TBC1D8: variants seen among roughly 807,000 people sequenced by gnomAD.
The protein encoded by TBC1D8 is TBC1 domain family member 8, also known as BUB2-like protein 1.
A neutral mutation model predicts 118.8 loss-of-function variants in TBC1D8; 65 were observed. The ratio of observed to expected loss-of-function variants is 0.55; its 90% confidence interval spans 0.45 to 0.67. The LOEUF is 0.67. TBC1D8 is among the 30% of genes least tolerant of loss of function. The probability of loss-of-function intolerance (pLI) is 0.00; values close to 1 mark genes in which losing one functional copy is unlikely to be tolerated. For missense variants in TBC1D8, 1,376 were observed against 1,471.2 expected (o/e 0.94, Z 1.06); for synonymous variants, 566 against 595.8 (o/e 0.95, Z 0.73).
At position 101,032,112 on chromosome 2, in the gene TBC1D8, G is replaced by C. The variant is rs144444614; in HGVS notation, c.1936+156C>G. Reference sequence around the variant, plus strand: ...GTCAGAACTGTGCAGAGAATGTCCCGAGTTAGTTTTGCAAATTCAGGAGTC... The same window carrying C: ...GTCAGAACTGTGCAGAGAATGTCCCCAGTTAGTTTTGCAAATTCAGGAGTC... On this transcript the variant is annotated intron_variant, in intron 11 of 19. Transcript: ENST00000409318. Among the ~76,000 whole-genome samples, 550 of 152,284 alleles carry C rather than the reference G, an allele frequency of 3.6e-3. 2 individuals carry two copies. The highest frequency in any genetic ancestry group is 5.2e-3 in the Non-Finnish European group (357 of 68,026).
intron 1 of TBC1D8, among the ~76,000 whole-genome samples, chr2:101,118,660 G>T (rs1297300475): frequency 1.4e-5 from 2 of 139,960 alleles, no homozygotes; most frequent in Non-Finnish European, 3.0e-5. Flanking sequence ...TGGCGCCACT[G>T]CACTCCAGTC....
chr2:101,078,753 CAAAAAAAAAAA>C, intron 2 of TBC1D8, among the ~76,000 whole-genome samples: 46,289 of 109,216 alleles, frequency 0.42, 8,326 homozygotes, highest in South Asian at 0.48. Context: ...CCTTTCTTAG[CAAAAAAAAAAA>C]AAAAAAAAAA....
At chr2:101,117,568 C>CTTT (rs201852112) in intron 1 of TBC1D8, among the ~76,000 whole-genome samples, 39 of 119,692 alleles carry the variant, frequency 3.3e-4, no homozygotes, top group Admixed American at 4.2e-4. Flanking sequence ...GGAGGCAGAA[C>CTTT]TTTTTTTTTT....
At chr2:101,125,126 G>A (rs1182041469) in intron 1 of TBC1D8, among the ~76,000 whole-genome samples, 4 of 152,042 alleles carry the variant, frequency 2.6e-5, no homozygotes, top group East Asian at 1.9e-4. Flanking sequence ...AGCAGCCTCC[G>A]GCCACTCCTC....
At chr2:101,095,551 T>C (rs551321966) in intron 1 of TBC1D8, among the ~76,000 whole-genome samples, 1 of 151,904 alleles carries the variant, frequency 6.6e-6, no homozygotes, top group Non-Finnish European at 1.5e-5. Flanking sequence ...TGGTTTCCAG[T>C]TTCATCCATG....
intron 2 of TBC1D8, among the ~76,000 whole-genome samples, chr2:101,083,978 C>T (rs1169441910): frequency 3.3e-5 from 5 of 152,174 alleles, no homozygotes; most frequent in Non-Finnish European, 2.9e-5. Context: ...CTTCCTTAAC[C>T]CAAGAAAAGT....
chr2:101,115,013 C>A (rs189480732), intron 1 of TBC1D8, among the ~76,000 whole-genome samples: 39 of 152,306 alleles, frequency 2.6e-4, no homozygotes, highest in Non-Finnish European at 4.3e-4. Context: ...TTTCACAGAA[C>A]CTGTCGCTTT....
chr2:101,146,414 A>C (rs913037877), intron 1 of TBC1D8, among the ~76,000 whole-genome samples: 1 of 152,268 alleles, frequency 6.6e-6, no homozygotes, highest in Non-Finnish European at 1.5e-5. Flanking sequence ...GTTGCAAAGC[A>C]GAAAACATCA....
At chr2:101,046,267 C>T (rs915199548) in intron 5 of TBC1D8, among the ~76,000 whole-genome samples, 6 of 152,224 alleles carry the variant, frequency 3.9e-5, no homozygotes, top group Non-Finnish European at 8.8e-5. Context: ...GGCGCCAGCA[C>T]AGGCGGTCGG....
intron 1 of TBC1D8, among the ~76,000 whole-genome samples, chr2:101,127,730 C>A (rs2104248763): frequency 6.6e-6 from 1 of 152,282 alleles, no homozygotes; most frequent in African/African-American, 2.4e-5. Context: ...CATGAGAAAT[C>A]AGAGAGATGA....
intron 11 of TBC1D8, among the ~76,000 whole-genome samples, chr2:101,031,144 G>T (rs1039325170): frequency 2.0e-5 from 3 of 152,218 alleles, no homozygotes; most frequent in African/African-American, 7.2e-5. Context: ...CAGTGGCTTT[G>T]ACAGCATGTC....
intron 1 of TBC1D8, among the ~76,000 whole-genome samples, chr2:101,146,960 G>A (rs958365034): frequency 6.6e-6 from 1 of 152,148 alleles, no homozygotes; most frequent in Non-Finnish European, 1.5e-5. Flanking sequence ...TGCAGTATTT[G>A]TCTTTCTGTG....
At chr2:101,019,269 A>G (rs1679879787) in intron 17 of TBC1D8, 1 of 426,386 alleles carries the variant, frequency 2.3e-6, no homozygotes, top group East Asian at 3.3e-5. Context: ...AGAATTCTTT[A>G]GGCACACAAA....
In TBC1D8 at chr2:101,054,672, CTT is replaced by C. The variant is rs34465252; in HGVS notation, c.403-338_403-337del. On this transcript the variant is annotated intron_variant, in intron 3 of 19. Coordinates refer to ENST00000409318, the MANE Select transcript of TBC1D8 (RefSeq NM_001330348.2). Reference sequence around the variant, plus strand: ...ACAAACAATCATTTTCTTTTCTTTTCTTTTTTTTTTTTTTTTTTTTTTTTTTG... The same window carrying C: ...ACAAACAATCATTTTCTTTTCTTTTCTTTTTTTTTTTTTTTTTTTTTTTTG... 3.9e-4 allele frequency among the ~76,000 whole-genome samples: 10 copies of C among 25,440 alleles called. No homozygotes were observed. The East Asian group carries it at 6.1e-3, about 16-fold the overall frequency. 16.7% of individuals were successfully genotyped at this position (25,440 alleles called of 152,430 possible).
At chr2:101,038,380 C>T (rs1681161606) in intron 7 of TBC1D8, 81 bp downstream of exon 7, 1 of 1,445,102 alleles carries the variant, frequency 6.9e-7, no homozygotes. Context: ...CCCCACATGG[C>T]TCTCCCCATG....
At position 101,011,676 on chromosome 2, in the gene TBC1D8, G is replaced by A. The variant is rs945801399; in HGVS notation, c.2828-136C>T. ...GGACTGTAGTTTTTGCAGGGTCCAC[G>A]AACCCAAATGCACACCAAGCACTGT... On this transcript the variant is annotated intron_variant, in intron 17 of 19. Transcript: ENST00000409318. 72 of 759,460 alleles carry A rather than the reference G, an allele frequency of 9.5e-5. No homozygotes were observed. The East Asian group carries it at 1.7e-3, about 18-fold the overall frequency. 47.0% of individuals were successfully genotyped at this position (759,460 alleles called of 1,614,324 possible).
intron 10 of TBC1D8, chr2:101,032,796 T>C (rs555396022): frequency 6.0e-6 from 1 of 166,592 alleles, no homozygotes; most frequent in Non-Finnish European, 1.3e-5. Context: ...TGTCAGGAGC[T>C]TCATTAATCC....
chr2:101,072,596 G>C (rs1301398109), intron 2 of TBC1D8, among the ~76,000 whole-genome samples: 3 of 152,154 alleles, frequency 2.0e-5, no homozygotes, highest in East Asian at 1.9e-4. Flanking sequence ...TTCCACCTCG[G>C]ATCATCATCA....
intron 15 of TBC1D8, among the ~76,000 whole-genome samples, chr2:101,025,763 G>A (rs894112070): frequency 6.6e-6 from 1 of 152,152 alleles, no homozygotes; most frequent in Non-Finnish European, 1.5e-5. Flanking sequence ...GTAGGAACGC[G>A]TTTGTGGAAT....
Sources: gnomAD v4.1 joint callset for allele counts (sites outside exome capture counted in the v4.1 genomes callset) on GRCh38, gnomAD v4.1.1 for gene constraint, MANE v1.5 for transcripts, NCBI Gene and HGNC (gene_info 2026-07-23, HGNC 2026-07-21) for gene names.